Variants in ARHGEF7 observed in about 807,000 individuals in gnomAD.
The protein encoded by ARHGEF7 is Rho guanine nucleotide exchange factor 7.
A neutral mutation model predicts 109.8 loss-of-function variants in ARHGEF7; 33 were observed. That is an observed-to-expected ratio of 0.30 (90% CI 0.23 to 0.40). ARHGEF7 has a LOEUF of 0.40. Ranked by LOEUF, ARHGEF7 falls within the 10% of genes least tolerant of loss-of-function variation. ARHGEF7 has a pLI of 1.00. For synonymous variants in ARHGEF7, 458 were observed against 424.6 expected (o/e 1.08, Z -0.97); for missense variants, 938 against 1,098.5 (o/e 0.85, Z 2.07).
intron 6 of ARHGEF7, among the ~76,000 whole-genome samples, chr13:111,233,715 T>C (rs1177034871): frequency 6.6e-6 from 1 of 152,234 alleles, no homozygotes; most frequent in East Asian, 1.9e-4. Flanking sequence ...TAATATAGTG[T>C]TTCCCAGGAT....
intron 9 of ARHGEF7, among the ~76,000 whole-genome samples, chr13:111,271,010 C>T (rs1413526425): frequency 2.6e-5 from 4 of 152,182 alleles, no homozygotes; most frequent in Admixed American, 2.6e-4. Flanking sequence ...CCATGCCATC[C>T]ACATAGCAGG....
chr13:111,250,253 T>A (rs2089566197), intron 8 of ARHGEF7, among the ~76,000 whole-genome samples: 1 of 152,160 alleles, frequency 6.6e-6, no homozygotes. Context: ...GTCATTTGTG[T>A]TGTGAGGTTG....
chr13:111,206,970 A>G (rs1239199944), intron 3 of ARHGEF7, among the ~76,000 whole-genome samples: 2 of 141,698 alleles, frequency 1.4e-5, no homozygotes, highest in South Asian at 2.3e-4. Flanking sequence ...TAAAAAAAAA[A>G]AAAAAGAAAA....
intron 5 of ARHGEF7, among the ~76,000 whole-genome samples, chr13:111,218,263 G>A (rs1291262608): frequency 6.6e-6 from 1 of 152,094 alleles, no homozygotes; most frequent in Non-Finnish European, 1.5e-5. Flanking sequence ...ACTTTTGGCA[G>A]TGGTGTGCAA....
chr13:111,269,711 G>T (rs1214535465), intron 9 of ARHGEF7, among the ~76,000 whole-genome samples: 2 of 152,122 alleles, frequency 1.3e-5, no homozygotes, highest in Non-Finnish European at 2.9e-5. Flanking sequence ...GAGCCAGCAG[G>T]TGCCGCCACT....
At chr13:111,220,332 C>T (rs188059721) in intron 5 of ARHGEF7, among the ~76,000 whole-genome samples, 401 of 152,316 alleles carry the variant, frequency 2.6e-3, no homozygotes, top group Admixed American at 3.9e-3. Context: ...GACGCTTGTT[C>T]CAGCTGGTCT....
intron 1 of ARHGEF7, among the ~76,000 whole-genome samples, chr13:111,135,412 T>C (rs2075038124): frequency 2.0e-5 from 3 of 152,244 alleles, no homozygotes. Context: ...TTTCACAATA[T>C]TGATTCTTCC....
intron 1 of ARHGEF7, among the ~76,000 whole-genome samples, chr13:111,140,111 G>A (rs1242747436): frequency 6.6e-6 from 1 of 152,202 alleles, no homozygotes; most frequent in African/African-American, 2.4e-5. Flanking sequence ...CCATAATCAA[G>A]TGATTTATTA....
intron 1 of ARHGEF7, among the ~76,000 whole-genome samples, chr13:111,148,869 C>G (rs901616751): frequency 6.6e-6 from 1 of 152,126 alleles, no homozygotes; most frequent in African/African-American, 2.4e-5. Context: ...TTTTAACTTA[C>G]GAGAGACCAT....
chr13:111,123,870 C>CCCG (rs2067374976), intron 1 of ARHGEF7, among the ~76,000 whole-genome samples: 1 of 146,358 alleles, frequency 6.8e-6, no homozygotes, highest in Admixed American at 6.8e-5. Context: ...GCGCCCCCCC[C>CCCG]CCCCGGCCCC....
chr13:111,231,795 G>A (rs2086096658), intron 5 of ARHGEF7, among the ~76,000 whole-genome samples: 1 of 152,190 alleles, frequency 6.6e-6, no homozygotes, highest in Admixed American at 6.5e-5. Flanking sequence ...GGGGAGGAGT[G>A]TGTTCCCGCC....
intron 9 of ARHGEF7, among the ~76,000 whole-genome samples, chr13:111,268,719 T>C (rs1009105720): frequency 2.0e-5 from 3 of 152,164 alleles, no homozygotes; most frequent in African/African-American, 7.2e-5. Flanking sequence ...TGTCTCTGGG[T>C]TTCAGCTTCC....
chr13:111,243,759 A>G, intron 6 of ARHGEF7, 113 bp from the exon 7 acceptor site: 4 of 665,788 alleles, frequency 6.0e-6, no homozygotes, highest in South Asian at 2.0e-5. Flanking sequence ...TTAGTATTAC[A>G]TAGAAGTAAC....
intron 2 of ARHGEF7, among the ~76,000 whole-genome samples, chr13:111,200,704 A>G (rs1169500915): frequency 6.6e-6 from 1 of 152,202 alleles, no homozygotes; most frequent in East Asian, 1.9e-4. Flanking sequence ...GTTAGTATTG[A>G]TGTCTCAACA....
intron 2 of ARHGEF7, among the ~76,000 whole-genome samples, chr13:111,158,138 G>C (rs1463698353): frequency 6.6e-6 from 1 of 152,146 alleles, no homozygotes; most frequent in Admixed American, 6.5e-5. Context: ...AGTTCTGTTT[G>C]AAAGAAAGAT....
At chr13:111,163,879 A>G (rs2076931214) in intron 2 of ARHGEF7, among the ~76,000 whole-genome samples, 2 of 152,238 alleles carry the variant, frequency 1.3e-5, no homozygotes, top group Admixed American at 1.3e-4. Context: ...CAGTGTATCC[A>G]TAAAATTATT....
chr13:111,264,230 T>C (rs2091388452), intron 8 of ARHGEF7, among the ~76,000 whole-genome samples: 1 of 152,226 alleles, frequency 6.6e-6, no homozygotes, highest in South Asian at 2.1e-4. Context: ...TGTTGAGAGC[T>C]TGCATTGATG....
At chr13:111,188,104 G>A (rs572218458) in intron 2 of ARHGEF7, among the ~76,000 whole-genome samples, 33 of 152,136 alleles carry the variant, frequency 2.2e-4, no homozygotes, top group Non-Finnish European at 3.2e-4. Flanking sequence ...TCCTTCCTGC[G>A]TGTGCCCTGG....
chr13:111,157,432 C>T (rs371507315), intron 2 of ARHGEF7, among the ~76,000 whole-genome samples: 39 of 151,832 alleles, frequency 2.6e-4, no homozygotes, highest in East Asian at 1.2e-3. Flanking sequence ...GTAATCCTAG[C>T]GCTTTGGGAG....
Sources: allele counts gnomAD v4.1 joint callset (sites outside exome capture counted in the v4.1 genomes callset), GRCh38; gene constraint gnomAD v4.1.1; transcripts MANE v1.5; gene names NCBI Gene and HGNC (gene_info 2026-07-23, HGNC 2026-07-21).